The following LIFR variants were observed in gnomAD, a reference collection of about 807,000 sequenced individuals.
LIFR encodes the protein LIF receptor subunit alpha, also known as leukemia inhibitory factor receptor.
Under a neutral mutation model 122.2 loss-of-function variants are expected in LIFR, and 84 were observed. The ratio of observed to expected loss-of-function variants is 0.69; its 90% CI spans 0.58 to 0.82. The LOEUF (loss-of-function observed/expected upper bound fraction) is 0.82. LIFR is among the 40% of genes least tolerant of loss of function. The probability of loss-of-function intolerance (pLI) is 0.00; values close to 1 mark genes in which losing one functional copy is unlikely to be tolerated. For synonymous variants in LIFR, 422 were observed against 434.7 expected, an observed-to-expected ratio of 0.97 and a Z score of 0.36; for missense variants, 1,294 against 1,311.6, an observed-to-expected ratio of 0.99 and a Z score of 0.21.
chr5:38,507,557 C>G (rs1745557979), intron 7 of LIFR, among the ~76,000 whole-genome samples: 1 of 94,364 alleles, frequency 1.1e-5, no homozygotes, highest in African/African-American at 3.9e-5. Flanking sequence ...GAGCGATACT[C>G]CGTCTCAAAA....
chr5:38,567,564 C>A (rs1216814731), intron 1 of LIFR, among the ~76,000 whole-genome samples: 1 of 145,576 alleles, frequency 6.9e-6, no homozygotes, highest in Non-Finnish European at 1.5e-5. Flanking sequence ...GAGTCTCACT[C>A]TGTTGCCCAG....
intron 1 of LIFR, among the ~76,000 whole-genome samples, chr5:38,546,908 A>C (rs1747923486): frequency 6.6e-6 from 1 of 152,202 alleles, no homozygotes; most frequent in African/African-American, 2.4e-5. Flanking sequence ...AATTTTATTG[A>C]AGCTGGCCTT....
intron 15 of LIFR, among the ~76,000 whole-genome samples, 172 bp from the exon 16 acceptor site, chr5:38,489,417 A>G (rs1045076945): frequency 5.9e-5 from 9 of 152,228 alleles, no homozygotes; most frequent in African/African-American, 2.2e-4. Context: ...TGAAGCTTAC[A>G]TACTAATAAC....
intron 1 of LIFR, among the ~76,000 whole-genome samples, chr5:38,578,207 C>CTTTTTTTTTTTTT (rs3079294): frequency 1.6e-5 from 2 of 123,458 alleles, no homozygotes; most frequent in Non-Finnish European, 3.3e-5. Flanking sequence ...TTTTCTTTTT[C>CTTTTTTTTTTTTT]TTTTTTTTTT....
chr5:38,496,299 G>A, intron 13 of LIFR, 83 bp downstream of exon 13: 1 of 1,108,928 alleles, frequency 9.0e-7, no homozygotes, highest in Non-Finnish European at 1.4e-6. Context: ...GAAGAAGGCT[G>A]ACATGACAAA....
chr5:38,505,878 T>G, intron 9 of LIFR, 27 bp downstream of exon 9: 1 of 1,496,450 alleles, frequency 6.7e-7, no homozygotes, highest in Non-Finnish European at 9.2e-7. Flanking sequence ...AAGTTATTTT[T>G]AAGACATTAG....
intron 1 of LIFR, among the ~76,000 whole-genome samples, chr5:38,575,578 A>G (rs774813885): frequency 1.3e-5 from 2 of 152,176 alleles, no homozygotes; most frequent in Non-Finnish European, 2.9e-5. Flanking sequence ...AATTGTGACA[A>G]TTGTGAAGAA....
At chr5:38,509,663 A>C (rs1292528505) in intron 7 of LIFR, among the ~76,000 whole-genome samples, 1 of 152,224 alleles carries the variant, frequency 6.6e-6, no homozygotes, top group Non-Finnish European at 1.5e-5. Flanking sequence ...TTAGACCAAA[A>C]TCCCAGACTT....
chr5:38,551,061 G>A lies in LIFR; in HGVS notation c.-20+5273C>T, dbSNP rs77042160. Among the ~76,000 whole-genome samples the A allele has an allele frequency of 5.7e-3, 864 of 152,236 alleles. 7 individuals carry two copies. The highest frequency in any genetic ancestry group is 0.02 in the African/African-American group (826 of 41,546). On this transcript the variant is annotated intron_variant, in intron 1 of 19. Transcript: ENST00000453190. ...TTTACATTTACAGTAAAATTGTGGT[G>A]ATCCAGGCAACTTCAAGGAATAAAT...
intron 12 of LIFR, among the ~76,000 whole-genome samples, chr5:38,497,168 G>A (rs527843629): frequency 2.6e-5 from 4 of 152,222 alleles, no homozygotes; most frequent in African/African-American, 7.2e-5. Flanking sequence ...CAGGCATGGT[G>A]GCACCTCAGG....
In LIFR at chr5:38,478,548, A is replaced by ATTCACAAGGT. The variant is rs1232236755; in HGVS notation, c.*3037_*3046dup. The ATTCACAAGGT allele has an allele frequency of 6.2e-5, 12 of 194,888 alleles. No individual in the cohort carries two copies. The highest frequency in any genetic ancestry group is 2.8e-4 in the African/African-American group (12 of 43,176). 12.1% of individuals were successfully genotyped at this position (194,888 alleles called of 1,614,324 possible). The stretch of plus-strand genomic sequence containing the variant: ...CATGTGCTAATCTATGCAATATATG[A>ATTCACAAGGT]TTCACAAGGTTCATCTAATGTTAAA... On this transcript the variant is annotated 3_prime_UTR_variant, in exon 20 of 20. Transcript: ENST00000453190.
intron 16 of LIFR, among the ~76,000 whole-genome samples, chr5:38,487,041 C>G (rs186665089): frequency 3.8e-4 from 58 of 152,258 alleles, no homozygotes; most frequent in African/African-American, 1.3e-3. Flanking sequence ...CTCAGATTTT[C>G]CACGTGGTCA....
intron 4 of LIFR, among the ~76,000 whole-genome samples, chr5:38,524,922 G>A (rs1024906738): frequency 1.1e-4 from 17 of 152,156 alleles, no homozygotes; most frequent in African/African-American, 3.1e-4. Context: ...TGTTACCTGT[G>A]CCAAATAAAA....
chr5:38,528,851 C>T lies in LIFR; in HGVS notation c.143-11G>A. 1 of 221,626 alleles carries T rather than the reference C, an allele frequency of 4.5e-6. No homozygotes were observed. Among genetic ancestry groups the T allele is most frequent in the Non-Finnish European group, 8.5e-6 (1 of 117,792 alleles). The allele number at this position is 221,626 out of a possible 1,614,324, so 13.7% of individuals were successfully genotyped here. The stretch of plus-strand genomic sequence containing the variant: ...AATCATGAGGAGCCCCTGGAGGAGA[C>T]ACACACACACACACACACACACACA... On this transcript the variant is annotated splice_polypyrimidine_tract_variant and intron_variant, in intron 2 of 19. Transcript: ENST00000453190.
intron 2 of LIFR, among the ~76,000 whole-genome samples, chr5:38,605,738 A>G (rs1750315247): frequency 6.6e-6 from 1 of 152,190 alleles, no homozygotes; most frequent in Non-Finnish European, 1.5e-5. Flanking sequence ...CATGGAGGTA[A>G]ATGCATAGCT....
Position 38,479,179 on chromosome 5 carries a change from T to G in LIFR, c.*2416A>C, listed in dbSNP as rs913097674. 2 of 231,646 alleles carry G rather than the reference T, an allele frequency of 8.6e-6. No homozygotes were observed. Among genetic ancestry groups the G allele is most frequent in the African/African-American group, 4.4e-5 (2 of 45,258 alleles). 14.3% of individuals were successfully genotyped at this position (231,646 alleles called of 1,614,324 possible). ...GATCTACACAAGGGTCTAGCTGTCT[T>G]GAATTCAATGAGGGAAAAGAAGGAA... On this transcript the variant is annotated 3_prime_UTR_variant, in exon 20 of 20. Transcript: ENST00000453190.
chr5:38,505,247 T>C (rs1745404423), intron 9 of LIFR, among the ~76,000 whole-genome samples: 2 of 152,020 alleles, frequency 1.3e-5, no homozygotes, highest in Non-Finnish European at 2.9e-5. Context: ...AGATGAAGAA[T>C]AGATTCGTTG....
Position 38,578,284 on chromosome 5 carries a change from G to A in LIFR, c.-20+16977C>T, listed in dbSNP as rs529783119. Among the ~76,000 whole-genome samples the A allele has an allele frequency of 2.8e-3, 378 of 136,756 alleles. 2 individuals are homozygous for A. Among genetic ancestry groups the A allele is most frequent in the Non-Finnish European group, 4.1e-3 (270 of 65,444 alleles). 89.7% of individuals were successfully genotyped at this position (136,756 alleles called of 152,430 possible). A position where few individuals can be genotyped will look rare whatever the true frequency, so the allele number is the denominator to read the frequency against. ...TGCAATGGTGTGATCTCGGCTCACC[G>A]CAACGTCTGCCTCCCGGTTTCAAGT... On this transcript the variant is annotated intron_variant, in intron 1 of 19. Coordinates refer to the LIFR transcript ENST00000263409.
At chr5:38,554,131 T>A (rs892131930) in intron 1 of LIFR, among the ~76,000 whole-genome samples, 2 of 152,216 alleles carry the variant, frequency 1.3e-5, no homozygotes, top group Non-Finnish European at 1.5e-5. Context: ...ATTTAAACAC[T>A]TAAGAATTTT....
Sources: allele counts gnomAD v4.1 joint callset (sites outside exome capture counted in the v4.1 genomes callset), GRCh38; gene constraint gnomAD v4.1.1; transcripts MANE v1.5; gene names NCBI Gene and HGNC (gene_info 2026-07-23, HGNC 2026-07-21).